RIMS1: variants seen among roughly 807,000 people sequenced by gnomAD.
The protein encoded by RIMS1 is regulating synaptic membrane exocytosis 1.
RIMS1 carries 83 observed loss-of-function variants against 214.1 expected under a neutral mutation model. The ratio of observed to expected loss-of-function variants is 0.39; its 90% CI spans 0.32 to 0.47. The LOEUF (loss-of-function observed/expected upper bound fraction) is 0.47. Ranked by LOEUF, RIMS1 falls within the 20% of genes least tolerant of loss-of-function variation. The pLI, the probability that RIMS1 is intolerant of heterozygous loss-of-function variation, is 0.99. For missense variants in RIMS1, 2,050 were observed against 2,161.8 expected (o/e 0.95, Z 1.03); for synonymous variants, 793 against 786.8 (o/e 1.01, Z -0.13).
At chr6:72,261,724 T>C in intron 19 of RIMS1, 1 of 985,314 alleles carries the variant, frequency 1.0e-6, no homozygotes, top group Non-Finnish European at 1.2e-6. Context: ...GTGTGTAATA[T>C]GTAGTTCTGC....
Position 72,370,048 on chromosome 6 carries a change from A to G in RIMS1, c.4367-20550A>G, listed in dbSNP as rs116732754. ...GAAGAGTTAAAGGGAAAAAGATTAA[A>G]GAGCTAAGAAAAGAACTAAAATAGC... On this transcript the variant is annotated intron_variant, in intron 29 of 33. Transcript: ENST00000521978. Among the ~76,000 whole-genome samples the G allele has an allele frequency of 4.3e-3, 661 of 152,356 alleles. 3 individuals carry two copies. The highest frequency in any genetic ancestry group is 0.015 in the African/African-American group (637 of 41,580).
chr6:72,308,073 CTA>C (rs1384056677), intron 27 of RIMS1, among the ~76,000 whole-genome samples: 5 of 151,964 alleles, frequency 3.3e-5, no homozygotes, highest in African/African-American at 1.2e-4. Context: ...TGATATTTGA[CTA>C]TTGATATTTG....
Position 72,396,991 on chromosome 6 carries a change from C to T in RIMS1, c.4619-1258C>T, listed in dbSNP as rs1032238712. Among the ~76,000 whole-genome samples the T allele has an allele frequency of 7.9e-5, 12 of 151,876 alleles. No individual in the cohort carries two copies. In the South Asian group the frequency reaches 8.4e-4, roughly 11 times the overall value. ...TCACACCACTGCACTCCAACCTGGACGACAGAGCAAGCCTCTGTCTCAAAT... is the reference window on the plus strand; with the variant it reads ...TCACACCACTGCACTCCAACCTGGATGACAGAGCAAGCCTCTGTCTCAAAT... On this transcript the variant is annotated intron_variant, in intron 31 of 33. Coordinates refer to ENST00000521978, the MANE Select transcript of RIMS1 (RefSeq NM_014989.7).
At chr6:72,377,467 T>C (rs563596247) in intron 29 of RIMS1, among the ~76,000 whole-genome samples, 1 of 152,196 alleles carries the variant, frequency 6.6e-6, no homozygotes, top group East Asian at 1.9e-4. Context: ...GGTGGGCACA[T>C]CCTCTTGGCC....
intron 4 of RIMS1, among the ~76,000 whole-genome samples, chr6:72,111,163 G>T (rs910829877): frequency 6.6e-6 from 1 of 152,106 alleles, no homozygotes; most frequent in Non-Finnish European, 1.5e-5. Flanking sequence ...TTAGTTCTTT[G>T]TGTGGTCTTT....
At chr6:72,077,990 C>A (rs1404963079) in intron 2 of RIMS1, among the ~76,000 whole-genome samples, 1 of 152,102 alleles carries the variant, frequency 6.6e-6, no homozygotes, top group Admixed American at 6.6e-5. Context: ...ATAACACAAT[C>A]CCCCCTTGCC....
At chr6:72,238,880 T>C (rs2154102545) in intron 9 of RIMS1, among the ~76,000 whole-genome samples, 1 of 152,306 alleles carries the variant, frequency 6.6e-6, no homozygotes, top group African/African-American at 2.4e-5. Context: ...TATATTTGTT[T>C]ACCAGGATAT....
chr6:72,374,193 G>A (rs572583925), intron 29 of RIMS1, among the ~76,000 whole-genome samples: 16 of 152,298 alleles, frequency 1.1e-4, no homozygotes, highest in South Asian at 2.1e-4. Flanking sequence ...GATTACAGGC[G>A]TGAGCCACTG....
In RIMS1 at chr6:72,201,438, T is replaced by C. The variant is rs115856333; in HGVS notation, c.1678+18289T>C. On this transcript the variant is annotated intron_variant, in intron 6 of 33. Coordinates refer to ENST00000521978, the MANE Select transcript of RIMS1 (RefSeq NM_014989.7). The stretch of plus-strand genomic sequence containing the variant: ...GGTATCCTTTTAAAATGCAGAATCA[T>C]ACTGCAGTGTTTTTGACCCATTTTA... 7.7e-3 allele frequency among the ~76,000 whole-genome samples: 1,170 copies of C among 152,336 alleles called. 20 individuals are homozygous for C. Among genetic ancestry groups the C allele is most frequent in the African/African-American group, 0.027 (1,110 of 41,566 alleles).
chr6:72,149,554 TC>T (rs35209660), intron 4 of RIMS1, among the ~76,000 whole-genome samples: 1 of 152,058 alleles, frequency 6.6e-6, no homozygotes, highest in African/African-American at 2.4e-5. Context: ...GGCAGAGCCC[TC>T]CCCACATCCT....
In RIMS1 at chr6:72,302,113, A is replaced by G. The variant is rs1438568785; in HGVS notation, c.3851-5145A>G. Among the ~76,000 whole-genome samples the G allele has an allele frequency of 2.6e-5, 4 of 151,572 alleles. No individual in the cohort carries two copies. In the South Asian group the frequency reaches 6.2e-4, roughly 24 times the overall value. On this transcript the variant is annotated intron_variant, in intron 26 of 33. Coordinates refer to ENST00000521978, the MANE Select transcript of RIMS1 (RefSeq NM_014989.7). ...TTCTTTTTACAGATAAAAATTCTGT[A>G]ATGGAGGGATATATCAGGAATTGAT...
chr6:71,911,573 A>C (rs1776945336), intron 1 of RIMS1, among the ~76,000 whole-genome samples: 1 of 152,164 alleles, frequency 6.6e-6, no homozygotes, highest in Non-Finnish European at 1.5e-5. Context: ...AGCACTGGAA[A>C]TATAAACATT....
At chr6:72,047,167 T>C (rs898799320) in intron 2 of RIMS1, among the ~76,000 whole-genome samples, 6 of 152,220 alleles carry the variant, frequency 3.9e-5, no homozygotes, top group African/African-American at 1.4e-4. Flanking sequence ...ATTGCTTTTT[T>C]GTGACCCTCC....
chr6:72,083,544 A>C (rs1833930762), intron 2 of RIMS1, among the ~76,000 whole-genome samples: 1 of 152,100 alleles, frequency 6.6e-6, no homozygotes, highest in Admixed American at 6.6e-5. Context: ...CAAGCCACTC[A>C]TACTGATCCC....
At chr6:72,031,855 G>C (rs1451299807) in intron 2 of RIMS1, among the ~76,000 whole-genome samples, 9 of 152,100 alleles carry the variant, frequency 5.9e-5, no homozygotes, top group South Asian at 2.1e-4. Context: ...TTAAGGGTGA[G>C]AAAAAGCAGA....
chr6:72,167,772 G>T (rs1275174964), intron 4 of RIMS1, among the ~76,000 whole-genome samples: 1 of 151,968 alleles, frequency 6.6e-6, no homozygotes, highest in Non-Finnish European at 1.5e-5. Flanking sequence ...TCTAGGCTCT[G>T]TAGTGCTGTC....
At chr6:72,049,776 C>A (rs1562202191) in intron 2 of RIMS1, among the ~76,000 whole-genome samples, 1 of 152,044 alleles carries the variant, frequency 6.6e-6, no homozygotes, top group East Asian at 1.9e-4. Context: ...AGTAATATTT[C>A]TTAGTGGTTC....
intron 2 of RIMS1, among the ~76,000 whole-genome samples, chr6:72,094,157 G>A (rs1315995916): frequency 7.6e-6 from 1 of 132,300 alleles, no homozygotes; most frequent in African/African-American, 2.6e-5. Flanking sequence ...ATACCTATAT[G>A]TATAAATTTT....
intron 29 of RIMS1, among the ~76,000 whole-genome samples, chr6:72,364,025 G>A (rs2097910240): frequency 6.6e-6 from 1 of 152,196 alleles, no homozygotes; most frequent in South Asian, 2.1e-4. Context: ...CATGGAACAT[G>A]AGGTGTCTTG....
Sources: gnomAD v4.1 joint callset for allele counts (sites outside exome capture counted in the v4.1 genomes callset) on GRCh38, gnomAD v4.1.1 for gene constraint, MANE v1.5 for transcripts, NCBI Gene and HGNC (gene_info 2026-07-23, HGNC 2026-07-21) for gene names.